Variants in AGR3 observed in about 807,000 individuals in gnomAD.
AGR3 encodes the protein anterior gradient 3, protein disulphide isomerase family member.
In AGR3, 37 loss-of-function variants were observed where a neutral mutation model predicts 24.5. The ratio of observed to expected loss-of-function variants is 1.51; its 90% confidence interval spans 1.16 to 1.99. The LOEUF (loss-of-function observed/expected upper bound fraction) is 1.99, where lower values mean the gene tolerates loss of function less well. AGR3 is among the 30% of genes most tolerant of loss of function. AGR3 has a pLI of 0.00. For synonymous variants in AGR3, 75 were observed against 61.6 expected (o/e 1.22, Z -1.02); for missense variants, 228 against 191.1 (o/e 1.19, Z -1.14).
chr7:16,861,979 T>C lies in AGR3; in HGVS notation c.303+5A>G. On this transcript the variant is annotated splice_donor_5th_base_variant and intron_variant, in intron 5 of 7. Coordinates refer to ENST00000310398, the MANE Select transcript of AGR3 (RefSeq NM_176813.5). ...TATTAAGAAAACATCACAAAGTTTA[T>C]GTACCATAAGGTTTAGCATGATGAA... The C allele has an allele frequency of 6.2e-7, 1 of 1,602,126 alleles. No homozygotes were observed. Among genetic ancestry groups the C allele is most frequent in the Non-Finnish European group, 8.5e-7 (1 of 1,171,590 alleles).
downstream of AGR3, among the ~76,000 whole-genome samples, chr7:16,855,294 T>C (rs939493813): frequency 6.6e-6 from 1 of 152,206 alleles, no homozygotes; most frequent in Non-Finnish European, 1.5e-5. Flanking sequence ...CTTCAACCTA[T>C]AATTTTTTTT....
intron 3 of AGR3, among the ~76,000 whole-genome samples, chr7:16,863,803 G>C (rs533736132): frequency 2.0e-5 from 3 of 151,428 alleles, no homozygotes; most frequent in Middle Eastern, 3.2e-3. Flanking sequence ...CCAATCTCTT[G>C]TGTTTAGATT....
chr7:16,878,032 T>C lies in AGR3; in HGVS notation c.109+478A>G, dbSNP rs1482651574. On this transcript the variant is annotated intron_variant, in intron 2 of 7. Coordinates refer to ENST00000310398, the MANE Select transcript of AGR3 (RefSeq NM_176813.5). ...TAAAACCACTGTCTTCCAGAGTCAA[T>C]ATAGCAAAGACTTAGTTACCCCGAA... is the stretch of plus-strand genomic sequence containing the variant. 2.6e-5 allele frequency among the ~76,000 whole-genome samples: 4 copies of C among 152,060 alleles called. No individual in the cohort carries two copies. In the East Asian group the frequency reaches 7.7e-4, roughly 29 times the overall value.
chr7:16,870,304 A>T (rs561558088), intron 3 of AGR3, among the ~76,000 whole-genome samples: 1 of 152,088 alleles, frequency 6.6e-6, no homozygotes, highest in East Asian at 1.9e-4. Flanking sequence ...GAATATTTAA[A>T]TTTTTTTAGT....
intron 3 of AGR3, among the ~76,000 whole-genome samples, chr7:16,868,967 A>G (rs1295554796): frequency 1.3e-5 from 2 of 152,178 alleles, no homozygotes; most frequent in Admixed American, 6.5e-5. Flanking sequence ...TTCATGTGTC[A>G]TGTGATCTGT....
Position 16,879,055 on chromosome 7 carries a change from T to C in AGR3, c.-27-410A>G, listed in dbSNP as rs150833844. ...TTCTTTGCCTTTTGATTCTCCTTCA[T>C]CTAATAGGTCAAAATATTTTAACTC... On this transcript the variant is annotated intron_variant, in intron 1 of 7. Transcript: ENST00000310398. Among the ~76,000 whole-genome samples, 199 of 152,344 alleles carry C rather than the reference T, an allele frequency of 1.3e-3. 1 individual carries two copies. The highest frequency in any genetic ancestry group is 4.5e-3 in the African/African-American group (188 of 41,582).
At chr7:16,873,178 A>T (rs568149383) in intron 3 of AGR3, among the ~76,000 whole-genome samples, 1 of 152,198 alleles carries the variant, frequency 6.6e-6, no homozygotes, top group Middle Eastern at 3.2e-3. Flanking sequence ...AATAGCCAAG[A>T]TATAGAATCA....
intron 6 of AGR3, among the ~76,000 whole-genome samples, 194 bp downstream of exon 6, chr7:16,861,190 G>C (rs191526191): frequency 6.6e-6 from 1 of 152,124 alleles, no homozygotes; most frequent in African/African-American, 2.4e-5. Context: ...TACATGCTTT[G>C]AAAAAATATT....
intron 3 of AGR3, among the ~76,000 whole-genome samples, chr7:16,863,855 G>A (rs905699874): frequency 6.6e-6 from 1 of 151,828 alleles, no homozygotes; most frequent in African/African-American, 2.4e-5. Context: ...TGCTAAACAT[G>A]CTTTTTTTTT....
At chr7:16,881,706 T>C (rs1782119841) in intron 1 of AGR3, among the ~76,000 whole-genome samples, 2 of 152,210 alleles carry the variant, frequency 1.3e-5, no homozygotes, top group African/African-American at 4.8e-5. Context: ...TGTAGAATAC[T>C]TTTCAAAGAG....
Position 16,861,403 on chromosome 7 carries a change from C to G in AGR3, c.348G>C (p.Val116=). Residue 116 remains valine (V), a synonymous_variant, in exon 6 of 8, where the codon GTG becomes GTC. Coordinates refer to ENST00000310398, the MANE Select transcript of AGR3 (RefSeq NM_176813.5). ...DKNLSPDGQY[V]PRIMFVDPSL... ...ACATACCTACAAACATGATTCTAGG[C>G]ACATATTGCCCATCAGGTGATAAAT... 6.2e-7 allele frequency: 1 copy of G among 1,609,368 alleles called. No homozygotes were observed. The highest frequency in any genetic ancestry group is 8.5e-7 in the Non-Finnish European group (1 of 1,177,724).
intron 3 of AGR3, among the ~76,000 whole-genome samples, chr7:16,868,684 T>G (rs542960497): frequency 1.3e-5 from 2 of 152,264 alleles, no homozygotes; most frequent in African/African-American, 2.4e-5. Context: ...TTTTTGCTTT[T>G]GTTTCTCATG....
intron 1 of AGR3, among the ~76,000 whole-genome samples, chr7:16,880,526 C>CCCCCT (rs1562553881): frequency 1.3e-4 from 5 of 39,244 alleles, no homozygotes; most frequent in Admixed American, 5.5e-4. Flanking sequence ...CCTCCTCTCC[C>CCCCCT]CTCCCCTCCC....
At chr7:16,860,626 GTTCTT>G in intron 6 of AGR3, 43 bp from the exon 7 acceptor site, 1 of 1,381,310 alleles carries the variant, frequency 7.2e-7, no homozygotes, top group Non-Finnish European at 1.0e-6. Context: ...AATTTAGCAT[GTTCTT>G]TTCTTTACTC....
intron 1 of AGR3, among the ~76,000 whole-genome samples, chr7:16,878,915 C>T (rs186828640): frequency 4.6e-5 from 7 of 152,330 alleles, no homozygotes; most frequent in African/African-American, 4.8e-5. Flanking sequence ...TCAGGGCACA[C>T]GAAGCCTGCT....
chr7:16,861,278 C>T, intron 6 of AGR3, 106 bp downstream of exon 6: 1 of 795,394 alleles, frequency 1.3e-6, no homozygotes, highest in South Asian at 2.5e-5. Context: ...TTAGAAATGA[C>T]TTCTCTTTAA....
intron 2 of AGR3, among the ~76,000 whole-genome samples, chr7:16,876,811 A>C (rs1156554532): frequency 6.6e-6 from 1 of 152,216 alleles, no homozygotes; most frequent in East Asian, 1.9e-4. Context: ...AACATTCAAC[A>C]AGAGTTTTAA....
intron 3 of AGR3, among the ~76,000 whole-genome samples, chr7:16,867,058 A>G (rs1169866104): frequency 6.6e-6 from 1 of 152,044 alleles, no homozygotes; most frequent in Non-Finnish European, 1.5e-5. Context: ...TTATTTTTGT[A>G]CCCCAGGTAT....
chr7:16,857,550 T>C (rs370448662), downstream of AGR3, among the ~76,000 whole-genome samples: 1 of 152,218 alleles, frequency 6.6e-6, no homozygotes, highest in East Asian at 1.9e-4. Context: ...TCTTTAGTCT[T>C]CATATGTTAA....
Sources: allele counts gnomAD v4.1 joint callset (sites outside exome capture counted in the v4.1 genomes callset), GRCh38; gene constraint gnomAD v4.1.1; transcripts MANE v1.5; gene names NCBI Gene and HGNC (gene_info 2026-07-23, HGNC 2026-07-21).